Variants in FCER2 observed in about 807,000 individuals in gnomAD.
FCER2 encodes the protein low affinity immunoglobulin epsilon Fc receptor.
A neutral mutation model predicts 49.7 loss-of-function variants in FCER2; 38 were observed. That is an observed-to-expected ratio of 0.76 (90% CI 0.59 to 1.00). The LOEUF is 1.00. Ranked by LOEUF, FCER2 falls within the 50% of genes least tolerant of loss-of-function variation. The pLI, the probability that FCER2 is intolerant of heterozygous loss-of-function variation, is 0.00. For synonymous variants in FCER2, 163 were observed against 164.6 expected, an observed-to-expected ratio of 0.99 and a Z score of 0.07; for missense variants, 425 against 419.5, an observed-to-expected ratio of 1.01 and a Z score of -0.11.
rs774327816 is a variant in FCER2 at position 7,690,404 on chromosome 19, A to T, written c.621+2T>A. The T allele has an allele frequency of 8.2e-5, 133 of 1,613,234 alleles. No individual in the cohort carries two copies. The highest frequency in any genetic ancestry group is 5.3e-4 in the East Asian group (24 of 44,880). ...CACCACCTCTGCAGAGCCCCAGCCC[A>T]CCTGCTCCTCCGGGCTGTGGATGCT... On this transcript the variant is annotated splice_donor_variant, in intron 9 of 10. Transcript: ENST00000597921. LOFTEE classifies it high-confidence loss of function.
At chr19:7,692,602 T>TGACCATCAATGCTTCAACTGCTG (rs2032911527) in intron 8 of FCER2, among the ~76,000 whole-genome samples, 1 of 149,620 alleles carries the variant, frequency 6.7e-6, no homozygotes, top group African/African-American at 2.5e-5. Context: ...ACAAACACCT[T>TGACCATCAATGCTTCAACTGCTG]ACAGCCAGCA....
chr19:7,699,468 G>C (rs2033104904), intron 2 of FCER2: 2 of 1,438,664 alleles, frequency 1.4e-6, no homozygotes, highest in Non-Finnish European at 1.8e-6. Context: ...CCGCTCCCTA[G>C]CTGAAGCCGT....
At chr19:7,690,903 A>G (rs1452164139) in intron 8 of FCER2, among the ~76,000 whole-genome samples, 4 of 151,980 alleles carry the variant, frequency 2.6e-5, no homozygotes, top group Admixed American at 2.6e-4. Flanking sequence ...ATTCATGTCC[A>G]ATATGGTCAA....
chr19:7,698,832 C>A lies in FCER2; in HGVS notation c.45G>T (p.Arg15Ser), dbSNP rs2033088696. The A allele has an allele frequency of 6.2e-7, 1 of 1,607,214 alleles. No individual in the cohort carries two copies. The highest frequency in any genetic ancestry group is 1.3e-5 in the African/African-American group (1 of 74,656). Residue 15 changes from arginine to serine, a missense_variant, in exon 3 of 11, where the codon AGG becomes AGT. Transcript: ENST00000597921. ...TCTGAGTCCCACGCCTGCAACACCGCCTCCTGGGAAGCTCCTCGATCTCTG... is the reference window on the plus strand; with the variant it reads ...TCTGAGTCCCACGCCTGCAACACCGACTCCTGGGAAGCTCCTCGATCTCTG... ...QYSEIEELPR[R>S]RCCRRGTQIV...
chr19:7,699,457 C>T, intron 2 of FCER2: 1 of 1,468,114 alleles, frequency 6.8e-7, no homozygotes, highest in Non-Finnish European at 9.0e-7. Flanking sequence ...TATTGGGCTC[C>T]CCGCTCCCTA....
Position 7,698,399 on chromosome 19 carries a change from G to T in FCER2, c.147C>A (p.Thr49=), listed in dbSNP as rs756745404. 2 of 1,612,434 alleles carry T rather than the reference G, an allele frequency of 1.2e-6. No homozygotes were observed. The highest frequency in any genetic ancestry group is 1.7e-6 in the Non-Finnish European group (2 of 1,178,898). Residue 49 remains threonine (T), a synonymous_variant, in exon 4 of 11, where the codon ACC becomes ACA. Transcript: ENST00000597921. ...LTLLLLWHWD[T]TQSLKQLEER... is the part of the protein sequence containing the mutation. ...CTTCCAGCTGTTTTAGACTCTGTGT[G>T]GTGTCCCAGTCTGGGGAGGGGGAGA...
chr19:7,698,299 T>C (rs1242020094), intron 4 of FCER2, 57 bp downstream of exon 4: 3 of 1,226,648 alleles, frequency 2.4e-6, no homozygotes, highest in Non-Finnish European at 3.5e-6. Context: ...AGGAGCGGGA[T>C]GAGTGCTGGG....
intron 3 of FCER2, 77 bp downstream of exon 3, chr19:7,698,664 T>G: frequency 1.3e-6 from 2 of 1,551,992 alleles, no homozygotes; most frequent in South Asian, 1.2e-5. Flanking sequence ...CCCCCAGCTC[T>G]GAGATGGGGG....
At position 7,689,235 on chromosome 19, in the gene FCER2, A is replaced by G. The variant is rs201003669; in HGVS notation, c.924T>C (p.Pro308=). The change falls in exon 11 of 11, where the codon CCT becomes CCC. Residue 308 remains proline, a synonymous_variant. Transcript: ENST00000597921. ...CAGAGGGGGTGGGCAGGCGGCCGTCAGGGTCTGGTCTTGAATCAGGTCCCA... is the reference window on the plus strand; with the variant it reads ...CAGAGGGGGTGGGCAGGCGGCCGTCGGGGTCTGGTCTTGAATCAGGTCCCA... The part of the protein sequence containing the change: ...ESMGPDSRPD[P]DGRLPTPSAP... 2.5e-6 allele frequency: 4 copies of G among 1,613,448 alleles called. No homozygotes were observed. In the East Asian group the frequency reaches 8.9e-5, roughly 36 times the overall value.
At position 7,689,331 on chromosome 19, in the gene FCER2, C is replaced by G; in HGVS notation, c.828G>C (p.Lys276Asn). The G allele has an allele frequency of 6.2e-7, 1 of 1,612,864 alleles. No individual in the cohort carries two copies. Among genetic ancestry groups the G allele is most frequent in the Non-Finnish European group, 8.5e-7 (1 of 1,179,660 alleles). Residue 276 changes from lysine to asparagine, a missense_variant, in exon 11 of 11, where the codon AAG (lysine) becomes AAC (asparagine). Lys to Asn is a moderately conservative substitution (Grantham distance 94, BLOSUM62 0). Transcript: ENST00000597921. ...GCCGGTCGCACACCCAGGCGCCCAG[C>G]TTACGGTCGCAGAAGGCGTCGTTCC... ...GRWNDAFCDR[K>N]LGAWVCDRLA...
At chr19:7,700,475 A>G (rs1005268493) in intron 1 of FCER2, among the ~76,000 whole-genome samples, 7 of 152,034 alleles carry the variant, frequency 4.6e-5, no homozygotes, top group East Asian at 1.9e-4. Context: ...TCCTCTGCCA[A>G]TGTCCCCAGG....
At chr19:7,695,607 C>T (rs1003816479) in intron 8 of FCER2, among the ~76,000 whole-genome samples, 5 of 147,234 alleles carry the variant, frequency 3.4e-5, no homozygotes, top group East Asian at 1.9e-4. Context: ...GAGATCCTGT[C>T]GCTACAAAAA....
In FCER2 at chr19:7,701,995, C is replaced by G. The variant is rs984259596; in HGVS notation, c.-86+20G>C. On this transcript the variant is annotated intron_variant, in intron 1 of 10. Transcript: ENST00000597921. ...GATCTCCACTTCCCATGGCCAACCC[C>G]CAACACACCAGATACGTACTCACTT... The G allele has an allele frequency of 5.3e-5, 8 of 152,038 alleles. No individual in the cohort carries two copies. Among genetic ancestry groups the G allele is most frequent in the Non-Finnish European group, 1.2e-4 (8 of 68,042 alleles). The allele number at this position is 152,038 out of a possible 1,614,324, so 9.4% of individuals were successfully genotyped here. A position where few individuals can be genotyped will look rare whatever the true frequency, so the allele number is the denominator to read the frequency against.
At chr19:7,689,530 C>G in intron 10 of FCER2, 100 bp from the exon 11 acceptor site, 2 of 725,670 alleles carry the variant, frequency 2.8e-6, no homozygotes, top group Non-Finnish European at 4.5e-6. Flanking sequence ...CCCCAGGTTC[C>G]CCATCCTGAG....
intron 9 of FCER2, 51 bp downstream of exon 9, chr19:7,690,355 T>TC (rs148383467): frequency 0.15 from 242,720 of 1,600,880 alleles, 21,586 homozygotes; most frequent in African/African-American, 0.35. Flanking sequence ...GGGGTGGGGG[T>TC]CCCCCCACCC....
chr19:7,697,356 C>A, intron 5 of FCER2, 58 bp from the exon 6 acceptor site: 7 of 1,566,876 alleles, frequency 4.5e-6, no homozygotes, highest in Non-Finnish European at 6.2e-6. Context: ...CCCCCATCTA[C>A]CCCCACCCAT....
At chr19:7,700,546 G>A (rs1031600291) in intron 1 of FCER2, among the ~76,000 whole-genome samples, 30 of 152,024 alleles carry the variant, frequency 2.0e-4, no homozygotes, top group African/African-American at 4.8e-4. Context: ...ATGGAGTCTC[G>A]CTCTGTTGCC....
chr19:7,694,450 G>T (rs756954248), intron 8 of FCER2, among the ~76,000 whole-genome samples: 4 of 152,164 alleles, frequency 2.6e-5, no homozygotes, highest in African/African-American at 7.2e-5. Flanking sequence ...AACTTCAGGG[G>T]AAGGTGTCTT....
chr19:7,694,090 C>T (rs2032954523), intron 8 of FCER2, among the ~76,000 whole-genome samples: 2 of 152,192 alleles, frequency 1.3e-5, no homozygotes, highest in South Asian at 4.1e-4. Flanking sequence ...CCACGCCCAC[C>T]CTCACATGGT....
Sources: gnomAD v4.1 joint callset for allele counts (sites outside exome capture counted in the v4.1 genomes callset) on GRCh38, gnomAD v4.1.1 for gene constraint, MANE v1.5 for transcripts, NCBI Gene and HGNC (gene_info 2026-07-23, HGNC 2026-07-21) for gene names.